Variants in EBF3 observed in about 807,000 individuals in gnomAD.
The protein encoded by EBF3 is EBF transcription factor 3, also known as transcription factor COE3.
Under a neutral mutation model 77.1 loss-of-function variants are expected in EBF3, and 18 were observed. The observed-to-expected ratio is 0.23, with a 90% confidence interval of 0.16 to 0.35. The LOEUF (loss-of-function observed/expected upper bound fraction) is 0.35, where lower values mean the gene tolerates loss of function less well. Among genes scored for constraint, EBF3 ranks in the 10% least tolerant of loss-of-function variants. EBF3 has a pLI of 1.00. For missense variants in EBF3, 558 were observed against 860.0 expected (o/e 0.65, Z 4.39); for synonymous variants, 350 against 343.5 (o/e 1.02, Z -0.21).
At chr10:129,867,002 C>A (rs1852064284) in intron 10 of EBF3, 139 bp downstream of exon 10, 12 of 1,261,090 alleles carry the variant, frequency 9.5e-6, no homozygotes, top group Non-Finnish European at 1.2e-5. Flanking sequence ...CCAGCTAAAC[C>A]CACAGGCCAA....
Position 129,943,975 on chromosome 10 carries a change from A to C in EBF3, c.554+13283T>G, listed in dbSNP as rs118144020. 0.01 allele frequency among the ~76,000 whole-genome samples: 1,598 copies of C among 152,216 alleles called. 27 individuals carry two copies. Among genetic ancestry groups the C allele is most frequent in the East Asian group, 0.076 (395 of 5,168 alleles). On this transcript the variant is annotated intron_variant, in intron 6 of 16. Coordinates refer to ENST00000440978, the MANE Select transcript of EBF3 (RefSeq NM_001375380.1). The surrounding 1 kb of genome is among the most constrained non-coding windows in gnomAD (Gnocchi z 8.8). The stretch of plus-strand genomic sequence containing the variant: ...GTCCATGGGTAAAATATCTCCCCAG[A>C]CCTTCCCACCCTATGCGTGATTTCT...
rs949534081 is a variant in EBF3 at position 129,916,477 on chromosome 10, A to C, written c.555-38628T>G. 2.0e-5 allele frequency among the ~76,000 whole-genome samples: 3 copies of C among 152,214 alleles called. No individual in the cohort carries two copies. The East Asian group carries it at 5.8e-4, about 29-fold the overall frequency. On this transcript the variant is annotated intron_variant, in intron 6 of 16. Transcript: ENST00000440978. Reference sequence around the variant, plus strand: ...ACGGGTGCAGAAAACGACACCAAGAATGATTATCCGTGCGGGGCATCTCGT... The same window carrying C: ...ACGGGTGCAGAAAACGACACCAAGACTGATTATCCGTGCGGGGCATCTCGT...
At chr10:129,892,493 C>T (rs893505158) in intron 6 of EBF3, among the ~76,000 whole-genome samples, 3 of 152,172 alleles carry the variant, frequency 2.0e-5, no homozygotes, top group African/African-American at 7.2e-5. Flanking sequence ...CACCATGGGT[C>T]CAGACCGGGA....
chr10:129,957,362 A>G, intron 5 of EBF3, 36 bp from the exon 6 acceptor site: 2 of 1,526,362 alleles, frequency 1.3e-6, no homozygotes, highest in Non-Finnish European at 1.8e-6. Flanking sequence ...TTTAATATGC[A>G]TTTCCCCCTT....
At chr10:129,916,245 C>A (rs1220173400) in intron 6 of EBF3, among the ~76,000 whole-genome samples, 1 of 152,216 alleles carries the variant, frequency 6.6e-6, no homozygotes, top group Non-Finnish European at 1.5e-5. Context: ...GGTGAGACCA[C>A]CAGGCCCAGG....
intron 10 of EBF3, among the ~76,000 whole-genome samples, chr10:129,866,349 G>A (rs1852012427): frequency 6.6e-6 from 1 of 152,150 alleles, no homozygotes. Context: ...TTGAACTCCT[G>A]CACTCAAGTG....
In EBF3 at chr10:129,897,181, G is replaced by C. The variant is rs192650853; in HGVS notation, c.555-19332C>G. On this transcript the variant is annotated intron_variant, in intron 6 of 16. Transcript: ENST00000440978. The surrounding 1 kb of genome is among the most constrained non-coding windows in gnomAD (Gnocchi z 4.6). ...GAGCACTGTGGTCACAGACACACTC[G>C]CGGTGTACACGGGCCCTCCACGCAG... is the stretch of plus-strand genomic sequence containing the variant. Among the ~76,000 whole-genome samples the C allele has an allele frequency of 7.2e-5, 11 of 152,308 alleles. No homozygotes were observed. In the South Asian group the frequency reaches 2.3e-3, roughly 32 times the overall value.
At chr10:129,838,052 T>C (rs753615751) in intron 16 of EBF3, 92 bp from the exon 17 acceptor site, 6 of 1,489,360 alleles carry the variant, frequency 4.0e-6, no homozygotes, top group African/African-American at 2.8e-5. Context: ...TTCCCCCCTA[T>C]TCAACTGGGA....
chr10:129,938,645 G>C lies in EBF3; in HGVS notation c.554+18613C>G, dbSNP rs1341147928. On this transcript the variant is annotated intron_variant, in intron 6 of 16. Coordinates refer to ENST00000440978, the MANE Select transcript of EBF3 (RefSeq NM_001375380.1). This position sits in a 1 kb window ranked among gnomAD's most constrained non-coding sequence, Gnocchi z 5.1. ...TTTGATGGGCAGCCCAGGCAGGCAC[G>C]AGCAGAACGCTCCTCCTCCTTGGCT... is the stretch of plus-strand genomic sequence containing the variant. Among the ~76,000 whole-genome samples, 1 of 152,222 alleles carries C rather than the reference G, an allele frequency of 6.6e-6. No individual in the cohort carries two copies. The highest frequency in any genetic ancestry group is 2.4e-5 in the African/African-American group (1 of 41,462).
rs568282794 is a variant in EBF3, at chr10:129,885,993, C to G, written c.555-8144G>C. The stretch of plus-strand genomic sequence containing the variant: ...TCCTGATGGCTGGGGAGGTCATTCT[C>G]AAAATAAATGTGGGTGAGGGGGTGT... On this transcript the variant is annotated intron_variant, in intron 6 of 16. Coordinates refer to ENST00000440978, the MANE Select transcript of EBF3 (RefSeq NM_001375380.1). This position sits in a 1 kb window ranked among gnomAD's most constrained non-coding sequence, Gnocchi z 4.0. Among the ~76,000 whole-genome samples, 24 of 148,686 alleles carry G rather than the reference C, an allele frequency of 1.6e-4. No individual in the cohort carries two copies. Among genetic ancestry groups the G allele is most frequent in the African/African-American group, 4.9e-4 (20 of 40,924 alleles).
intron 6 of EBF3, among the ~76,000 whole-genome samples, chr10:129,889,687 G>A (rs1049108069): frequency 1.3e-5 from 2 of 151,798 alleles, no homozygotes; most frequent in East Asian, 3.9e-4. Flanking sequence ...TCATAATTTG[G>A]GCAGAAGTTA....
chr10:129,898,566 C>G (rs11017005), intron 6 of EBF3, among the ~76,000 whole-genome samples: 3,182 of 152,282 alleles, frequency 0.021, 99 homozygotes, highest in African/African-American at 0.074. Context: ...ATCCGTCGCC[C>G]CACTCCAGTC....
intron 10 of EBF3, 73 bp downstream of exon 10, chr10:129,867,068 G>T (rs1196128641): frequency 4.5e-6 from 7 of 1,548,782 alleles, no homozygotes; most frequent in African/African-American, 1.4e-5. Context: ...GTCCTCCCGT[G>T]CCCTCATGAG....
intron 10 of EBF3, among the ~76,000 whole-genome samples, chr10:129,851,776 A>C (rs1371024263): frequency 6.6e-6 from 1 of 152,244 alleles, no homozygotes; most frequent in Non-Finnish European, 1.5e-5. Flanking sequence ...TTGTATCAAA[A>C]GTCATAAAAC....
At chr10:129,850,977 G>T (rs118084043) in intron 10 of EBF3, among the ~76,000 whole-genome samples, 3 of 152,304 alleles carry the variant, frequency 2.0e-5, no homozygotes, top group African/African-American at 7.2e-5. Context: ...GAGCCCTGCC[G>T]AGCCAGGGCA....
intron 6 of EBF3, among the ~76,000 whole-genome samples, chr10:129,928,303 G>A (rs911201139): frequency 3.9e-5 from 6 of 152,154 alleles, no homozygotes; most frequent in South Asian, 2.1e-4. Context: ...TTATAAACTC[G>A]CCAGCCAGAG....
chr10:129,877,457 G>A (rs1852865287), intron 7 of EBF3, among the ~76,000 whole-genome samples: 1 of 145,770 alleles, frequency 6.9e-6, no homozygotes, highest in African/African-American at 2.6e-5. Flanking sequence ...CTCTAGCCTG[G>A]GATACAGAGC....
chr10:129,918,979 G>A (rs1327499473), intron 6 of EBF3, among the ~76,000 whole-genome samples: 1 of 152,210 alleles, frequency 6.6e-6, no homozygotes, highest in Non-Finnish European at 1.5e-5. Flanking sequence ...CCCCAGCCGG[G>A]CTTACCAAGG....
At chr10:129,917,227 G>A (rs1222228188) in intron 6 of EBF3, among the ~76,000 whole-genome samples, 6 of 152,064 alleles carry the variant, frequency 3.9e-5, no homozygotes, top group Admixed American at 3.3e-4. Context: ...AAATTAGCTG[G>A]GCGTGGTGGC....
Sources: allele counts gnomAD v4.1 joint callset (sites outside exome capture counted in the v4.1 genomes callset), GRCh38; gene constraint gnomAD v4.1.1; non-coding constraint Gnocchi (gnomAD v3.1); transcripts MANE v1.5; gene names NCBI Gene and HGNC (gene_info 2026-07-23, HGNC 2026-07-21).